Variants in CEP68 observed in about 807,000 individuals in gnomAD.
CEP68 encodes the protein centrosomal protein of 68 kDa.
In CEP68, 26 loss-of-function variants were observed where a neutral mutation model predicts 55.3. The observed-to-expected ratio is 0.47, with a 90% CI of 0.34 to 0.65. CEP68 has a LOEUF of 0.65. Among genes scored for constraint, CEP68 ranks in the 30% least tolerant of loss-of-function variants. The pLI is 0.01. For missense variants in CEP68, 957 were observed against 946.7 expected (o/e 1.01, Z -0.14); for synonymous variants, 402 against 383.2 (o/e 1.05, Z -0.57).
chr2:65,067,835 C>T (rs931536889), intron 1 of CEP68, among the ~76,000 whole-genome samples: 2 of 152,192 alleles, frequency 1.3e-5, no homozygotes, highest in Admixed American at 6.5e-5. Context: ...AGCGTCCGTG[C>T]GAAGGGCATG....
intron 1 of CEP68, among the ~76,000 whole-genome samples, chr2:65,066,501 G>T (rs1346397680): frequency 8.7e-6 from 1 of 115,570 alleles, no homozygotes; most frequent in East Asian, 2.4e-4. Flanking sequence ...AGGCTGAGGC[G>T]GGTGGATCAT....
rs886342184 is a variant in CEP68, at chr2:65,072,715, C to G, written c.1619C>G (p.Pro540Arg). 4.3e-6 allele frequency: 7 copies of G among 1,614,160 alleles called. No individual in the cohort carries two copies. The highest frequency in any genetic ancestry group is 1.7e-5 in the Admixed American group (1 of 60,024). Residue 540 changes from proline (P) to arginine (R), a missense_variant, in exon 3 of 7, where the codon CCC becomes CGC. Pro to Arg is a moderately radical substitution (Grantham distance 103, BLOSUM62 -2). Coordinates refer to ENST00000377990, the MANE Select transcript of CEP68 (RefSeq NM_015147.3). ...FPSSSSQSQL[P>R]PGAALQGSGD... The stretch of plus-strand genomic sequence containing the variant: ...TCAAGCTCCAGCCAAAGCCAGCTTC[C>G]CCCTGGAGCTGCCCTCCAAGGATCT...
intron 1 of CEP68, among the ~76,000 whole-genome samples, chr2:65,066,323 G>A (rs1384323750): frequency 3.9e-5 from 6 of 152,180 alleles, no homozygotes; most frequent in African/African-American, 1.2e-4. Context: ...CCGGCTGGGC[G>A]GTGTGGCTTA....
At chr2:65,076,524 T>C (rs975109913) in intron 4 of CEP68, among the ~76,000 whole-genome samples, 2 of 152,182 alleles carry the variant, frequency 1.3e-5, no homozygotes, top group East Asian at 3.9e-4. Context: ...GCATGGCTCA[T>C]GCGTATGTGT....
rs559442098 is a variant in CEP68, at chr2:65,075,913, T to G, written c.2007+1509T>G. Among the ~76,000 whole-genome samples, 4 of 152,162 alleles carry G rather than the reference T, an allele frequency of 2.6e-5. No individual in the cohort carries two copies. The East Asian group carries it at 7.8e-4, about 30-fold the overall frequency. Reference sequence around the variant, plus strand: ...GGCCTTCCTGGGACCGTACTCCAGCTAGAGGAAGGGAGGGGCTTTGTTTTC... The same window carrying G: ...GGCCTTCCTGGGACCGTACTCCAGCGAGAGGAAGGGAGGGGCTTTGTTTTC... On this transcript the variant is annotated intron_variant, in intron 4 of 6. Coordinates refer to ENST00000377990, the MANE Select transcript of CEP68 (RefSeq NM_015147.3).
At chr2:65,060,720 G>A (rs1675870879) in intron 1 of CEP68, among the ~76,000 whole-genome samples, 1 of 152,144 alleles carries the variant, frequency 6.6e-6, no homozygotes, top group Non-Finnish European at 1.5e-5. Flanking sequence ...TGAGAAAAAA[G>A]GTGCTGTTGA....
In CEP68 at chr2:65,085,954, T is replaced by C. The variant is rs1003929283; in HGVS notation, c.*2320T>C. The C allele has an allele frequency of 1.3e-5, 2 of 152,214 alleles. No individual in the cohort carries two copies. The highest frequency in any genetic ancestry group is 1.3e-4 in the Admixed American group (2 of 15,284). 9.4% of individuals were successfully genotyped at this position (152,214 alleles called of 1,614,324 possible). A position where few individuals can be genotyped will look rare whatever the true frequency, so the allele number is the denominator to read the frequency against. On this transcript the variant is annotated 3_prime_UTR_variant, in exon 7 of 7. Coordinates refer to ENST00000377990, the MANE Select transcript of CEP68 (RefSeq NM_015147.3). ...ATGCCACACTGGAATAACTTAGTAGTCCCTTAAAATTAATGGAAGTTAAAT... is the reference window on the plus strand; with the variant it reads ...ATGCCACACTGGAATAACTTAGTAGCCCCTTAAAATTAATGGAAGTTAAAT...
chr2:65,079,183 G>A (rs1676896212), intron 5 of CEP68, among the ~76,000 whole-genome samples: 1 of 152,222 alleles, frequency 6.6e-6, no homozygotes. Context: ...GGCTTGAGAG[G>A]CAATGAGGAG....
At chr2:65,063,653 C>T (rs1676017133) in intron 1 of CEP68, among the ~76,000 whole-genome samples, 1 of 152,172 alleles carries the variant, frequency 6.6e-6, no homozygotes. Context: ...TGTAAAATCT[C>T]GGATCTATGG....
chr2:65,065,106 C>G (rs147127027), intron 1 of CEP68, among the ~76,000 whole-genome samples: 6 of 152,190 alleles, frequency 3.9e-5, no homozygotes, highest in Non-Finnish European at 8.8e-5. Context: ...CCATCTGTGA[C>G]GTGAGGATTA....
At chr2:65,058,497 CTTTTTTTTT>C (rs34477880) in intron 1 of CEP68, among the ~76,000 whole-genome samples, 5 of 75,684 alleles carry the variant, frequency 6.6e-5, no homozygotes, top group South Asian at 5.6e-4. Context: ...GATTTTTTTC[CTTTTTTTTT>C]TTTTTTTTTT....
At chr2:65,066,562 T>C (rs1050930271) in intron 1 of CEP68, among the ~76,000 whole-genome samples, 1 of 151,396 alleles carries the variant, frequency 6.6e-6, no homozygotes, top group African/African-American at 2.4e-5. Flanking sequence ...ACCCCATCTC[T>C]ACTAAAAATA....
chr2:65,083,498 T>C (rs1430503372), intron 6 of CEP68, 141 bp from the exon 7 acceptor site: 1 of 152,250 alleles, frequency 6.6e-6, no homozygotes, highest in Admixed American at 6.5e-5. Flanking sequence ...ATAGGTATGC[T>C]AAGAGCAGGG....
chr2:65,058,502 T>C (rs1675759418), intron 1 of CEP68, among the ~76,000 whole-genome samples: 1 of 86,142 alleles, frequency 1.2e-5, no homozygotes, highest in East Asian at 4.1e-4. Context: ...TTTTCCTTTT[T>C]TTTTTTTTTT....
In CEP68 at chr2:65,084,772, C is replaced by A. The variant is rs1005911447; in HGVS notation, c.*1138C>A. On this transcript the variant is annotated 3_prime_UTR_variant, in exon 7 of 7. Coordinates refer to ENST00000377990, the MANE Select transcript of CEP68 (RefSeq NM_015147.3). ...GTCACTGGAAAATAGCCATTAAATT[C>A]TTTAAAGATTAGCTCTTCAACAGTA... 5 of 152,162 alleles carry A rather than the reference C, an allele frequency of 3.3e-5. No homozygotes were observed. The highest frequency in any genetic ancestry group is 4.8e-5 in the African/African-American group (2 of 41,428). The allele number at this position is 152,162 out of a possible 1,614,324, so 9.4% of individuals were successfully genotyped here.
intron 1 of CEP68, among the ~76,000 whole-genome samples, chr2:65,057,613 G>T (rs1197700883): frequency 6.6e-6 from 1 of 152,140 alleles, no homozygotes; most frequent in East Asian, 1.9e-4. Context: ...GGTTTCCCCA[G>T]CCCCTAGCAC....
chr2:65,059,998 C>T lies in CEP68; in HGVS notation c.-47+3470C>T, dbSNP rs542226748. Reference sequence around the variant, plus strand: ...AGCTTTTTTCTATTTTTTGTTTTAACAATTTCTCTATCTTGTTAAAAAAAA... The same window carrying T: ...AGCTTTTTTCTATTTTTTGTTTTAATAATTTCTCTATCTTGTTAAAAAAAA... On this transcript the variant is annotated intron_variant, in intron 1 of 6. Coordinates refer to ENST00000377990, the MANE Select transcript of CEP68 (RefSeq NM_015147.3). Among the ~76,000 whole-genome samples, 82 of 151,096 alleles carry T rather than the reference C, an allele frequency of 5.4e-4. No homozygotes were observed. The Middle Eastern group carries it at 0.017, about 31-fold the overall frequency.
In CEP68 at chr2:65,086,030, G is replaced by T. The variant is rs1397485220; in HGVS notation, c.*2396G>T. Reference sequence around the variant, plus strand: ...GCTGGATCAGCAGTTTCAAGATCTGGGTTCTTGGAGATCCATAGGTAAGCT... The same window carrying T: ...GCTGGATCAGCAGTTTCAAGATCTGTGTTCTTGGAGATCCATAGGTAAGCT... On this transcript the variant is annotated 3_prime_UTR_variant, in exon 7 of 7. Coordinates refer to ENST00000377990, the MANE Select transcript of CEP68 (RefSeq NM_015147.3). The T allele has an allele frequency of 6.6e-6, 1 of 152,152 alleles. No homozygotes were observed. The allele number at this position is 152,152 out of a possible 1,614,324, so 9.4% of individuals were successfully genotyped here.
intron 1 of CEP68, 56 bp from the exon 2 acceptor site, chr2:65,069,343 T>G: frequency 1.1e-6 from 1 of 948,086 alleles, no homozygotes; most frequent in Non-Finnish European, 1.5e-6. Flanking sequence ...GAGCAAGACT[T>G]CCTGAACACA....
Sources: gnomAD v4.1 joint callset for allele counts (sites outside exome capture counted in the v4.1 genomes callset) on GRCh38, gnomAD v4.1.1 for gene constraint, MANE v1.5 for transcripts, NCBI Gene and HGNC (gene_info 2026-07-23, HGNC 2026-07-21) for gene names.